Variants in IZUMO4 observed in about 807,000 individuals in gnomAD.
IZUMO4 encodes izumo sperm-egg fusion protein 4.
Under a neutral mutation model 37.1 loss-of-function variants are expected in IZUMO4, and 51 were observed. The ratio of observed to expected loss-of-function variants is 1.38; its 90% confidence interval spans 1.10 to 1.74. The LOEUF (loss-of-function observed/expected upper bound fraction) is 1.74, where lower values mean the gene tolerates loss of function less well. IZUMO4 is among the 40% of genes most tolerant of loss of function. IZUMO4 has a pLI of 0.00. For synonymous variants in IZUMO4, 162 were observed against 121.4 expected (o/e 1.33, Z -2.20); for missense variants, 364 against 299.6 (o/e 1.21, Z -1.59).
intron 7 of IZUMO4, 91 bp downstream of exon 7, chr19:2,098,541 C>T (rs1440784266): frequency 6.2e-6 from 10 of 1,606,912 alleles, no homozygotes; most frequent in South Asian, 1.1e-5. Flanking sequence ...GCTCCCTCAG[C>T]TCCCACGTCC....
At chr19:2,098,637 C>A in intron 7 of IZUMO4, 150 bp from the exon 8 acceptor site, 1 of 1,558,316 alleles carries the variant, frequency 6.4e-7, no homozygotes, top group South Asian at 1.2e-5. Flanking sequence ...AGGTCTCCGA[C>A]CCTCAGCTGG....
At chr19:2,099,054 C>G (rs778184749) in intron 9 of IZUMO4, 25 bp downstream of exon 9, 35 of 1,609,068 alleles carry the variant, frequency 2.2e-5, no homozygotes, top group Middle Eastern at 1.7e-4. Context: ...GAAGGGAGGC[C>G]TCGGGAGAAG....
chr19:2,097,671 C>G lies in IZUMO4; in HGVS notation c.370+176C>G, dbSNP rs776673193. 8 of 719,340 alleles carry G rather than the reference C, an allele frequency of 1.1e-5. No individual in the cohort carries two copies. In the East Asian group the frequency reaches 2.1e-4, roughly 19 times the overall value. The allele number at this position is 719,340 out of a possible 1,614,324, so 44.6% of individuals were successfully genotyped here. A position where few individuals can be genotyped will look rare whatever the true frequency, so the allele number is the denominator to read the frequency against. ...ACCTGAAGGATCAATGCCATCACCC[C>G]GCGGGGACCTCCCCTAAGTAGCCCC... On this transcript the variant is annotated intron_variant, in intron 3 of 9. Coordinates refer to ENST00000395301, the MANE Select transcript of IZUMO4 (RefSeq NM_001039846.2).
Position 2,099,577 on chromosome 19 carries a change from T to G in IZUMO4, c.*232T>G, listed in dbSNP as rs1396141719. ...TGCGGGATGTGATTAAAGTCCCTGA[T>G]GTTTCTCTTTGCAGAAGAGTTCTTG... On this transcript the variant is annotated 3_prime_UTR_variant, in exon 10 of 10. Transcript: ENST00000395301. 6.1e-5 allele frequency: 34 copies of G among 558,900 alleles called. No homozygotes were observed. The Admixed American group carries it at 1.0e-3, about 17-fold the overall frequency. 34.6% of individuals were successfully genotyped at this position (558,900 alleles called of 1,614,324 possible).
intron 2 of IZUMO4, 38 bp from the exon 3 acceptor site, chr19:2,097,386 C>G: frequency 6.2e-7 from 1 of 1,608,608 alleles, no homozygotes; most frequent in Non-Finnish European, 8.5e-7. Flanking sequence ...ACCCCGCCCA[C>G]CGCCTGAGCC....
chr19:2,098,683 C>G, intron 7 of IZUMO4, 104 bp from the exon 8 acceptor site: 1 of 1,568,074 alleles, frequency 6.4e-7, no homozygotes, highest in South Asian at 1.2e-5. Context: ...CCCATAGGGT[C>G]TGGTTCCACC....
intron 7 of IZUMO4, 94 bp from the exon 8 acceptor site, chr19:2,098,693 C>A: frequency 6.4e-7 from 1 of 1,572,798 alleles, no homozygotes; most frequent in Non-Finnish European, 8.6e-7. Flanking sequence ...CTGGTTCCAC[C>A]CCATCCCAGG....
Position 2,098,691 on chromosome 19 carries a change from A to G in IZUMO4, c.537-96A>G, listed in dbSNP as rs181963344. On this transcript the variant is annotated intron_variant, in intron 7 of 9. Transcript: ENST00000395301. ...AAGGGTCCCCATAGGGTCTGGTTCC[A>G]CCCCATCCCAGGTCTGTGGTCAGAG... is the stretch of plus-strand genomic sequence containing the variant. 2.6e-4 allele frequency: 408 copies of G among 1,572,000 alleles called. 4 individuals are homozygous for G. In the East Asian group the frequency reaches 9.1e-3, roughly 35 times the overall value.
intron 8 of IZUMO4, 56 bp downstream of exon 8, chr19:2,098,860 G>GA (rs1467496957): frequency 1.3e-6 from 2 of 1,566,394 alleles, no homozygotes; most frequent in Admixed American, 1.7e-5. Context: ...GAGAGGAGGG[G>GA]GGCTAGGGGG....
At chr19:2,097,543 G>A (rs1407922824) in intron 3 of IZUMO4, 48 bp downstream of exon 3, 1 of 1,512,172 alleles carries the variant, frequency 6.6e-7, no homozygotes, top group African/African-American at 1.4e-5. Context: ...CAGAGCCTCG[G>A]AGACCCACGG....
intron 5 of IZUMO4, 42 bp from the exon 6 acceptor site, chr19:2,098,245 G>C (rs201922037): frequency 6.2e-7 from 1 of 1,613,176 alleles, no homozygotes; most frequent in South Asian, 1.1e-5. Context: ...GGGCGGGGCC[G>C]TGGGTTCAGG....
intron 5 of IZUMO4, 42 bp downstream of exon 5, chr19:2,098,169 T>G: frequency 6.2e-7 from 1 of 1,608,876 alleles, no homozygotes; most frequent in Non-Finnish European, 8.5e-7. Flanking sequence ...AGGGCCCTAC[T>G]GTCCCTGGGG....
chr19:2,097,058 T>TC lies in IZUMO4; in HGVS notation c.114dup (p.Lys39GlnfsTer118). 1 of 1,612,762 alleles carries TC rather than the reference T, an allele frequency of 6.2e-7. No individual in the cohort carries two copies. Among genetic ancestry groups the TC allele is most frequent in the East Asian group, 2.2e-5 (1 of 44,876 alleles). ...TCCTTCTACCGCCACCATGTGAACT[T>TC]CAAGTCCTGGTGGGTGGGCGACATC... On this transcript the variant is annotated frameshift_variant, in exon 1 of 10. Transcript: ENST00000395301. LOFTEE classifies it high-confidence loss of function.
intron 8 of IZUMO4, 37 bp downstream of exon 8, chr19:2,098,841 G>A (rs1293285919): frequency 1.9e-6 from 3 of 1,557,552 alleles, no homozygotes; most frequent in Admixed American, 1.7e-5. Flanking sequence ...GGGGGAGGGG[G>A]TAAAGGGAGA....
rs201362513 is a variant in IZUMO4, at chr19:2,098,153, C to T, written c.473+26C>T. The T allele has an allele frequency of 3.9e-4, 627 of 1,612,188 alleles. 1 individual carries two copies. The highest frequency in any genetic ancestry group is 1.3e-3 in the Middle Eastern group (8 of 6,062). On this transcript the variant is annotated intron_variant, in intron 5 of 9. Transcript: ENST00000395301. ...GTAGGGCTCAGGCATCACACCCACC[C>T]GTGCCAGGGCCCTACTGTCCCTGGG...
Position 2,097,158 on chromosome 19 carries a change from G to C in IZUMO4, c.213G>C (p.Lys71Asn). Residue 71 changes from lysine (K) to asparagine (N), a missense_variant, in exon 1 of 10, where the codon AAG (lysine) becomes AAC (asparagine). Lys to Asn is a moderately conservative substitution (Grantham distance 94, BLOSUM62 0). Coordinates refer to ENST00000395301, the MANE Select transcript of IZUMO4 (RefSeq NM_001039846.2). The part of the protein sequence containing the change: ...MKELHLAIPA[K>N]ITREKLDQVA... ...AGCTGCACCTGGCCATCCCCGCCAA[G>C]ATCAGTGAGTGCCGGAGCCCAGCCC... The C allele has an allele frequency of 6.2e-7, 1 of 1,610,276 alleles. No individual in the cohort carries two copies. The highest frequency in any genetic ancestry group is 8.5e-7 in the Non-Finnish European group (1 of 1,178,230).
In IZUMO4 at chr19:2,097,275, G is replaced by A. The variant is rs373816217; in HGVS notation, c.241G>A (p.Ala81Thr). 1.2e-6 allele frequency: 2 copies of A among 1,612,658 alleles called. No individual in the cohort carries two copies. Among genetic ancestry groups the A allele is most frequent in the Non-Finnish European group, 1.7e-6 (2 of 1,179,800 alleles). ...AGCCCGGGAGAAGCTGGACCAAGTG[G>A]CGACAGCAGTGTACCAGATGATGGA... ...KITREKLDQV[A>T]TAVYQMMDQL... Residue 81 changes from alanine to threonine, a missense_variant, in exon 2 of 10, where the codon GCG becomes ACG. Physicochemically the swap from Ala to Thr is moderately conservative, Grantham distance 58. Coordinates refer to ENST00000395301, the MANE Select transcript of IZUMO4 (RefSeq NM_001039846.2).
intron 7 of IZUMO4, 28 bp from the exon 8 acceptor site, chr19:2,098,759 G>A (rs774878008): frequency 1.1e-5 from 18 of 1,605,216 alleles, no homozygotes; most frequent in South Asian, 1.0e-4. Flanking sequence ...CCCCATGGAG[G>A]GGCTGACTGC....
chr19:2,098,084 A>G lies in IZUMO4; in HGVS notation c.430A>G (p.Asn144Asp), dbSNP rs767288087. Residue 144 changes from asparagine (N) to aspartate (D), a missense_variant, in exon 5 of 10, where the codon AAC becomes GAC. Physicochemically the swap from Asn to Asp is conservative, Grantham distance 23 (BLOSUM62 1). Transcript: ENST00000395301. ...IFQYETISCN[N>D]CTDSHVACFG... The stretch of plus-strand genomic sequence containing the variant: ...CCAGTACGAGACCATCTCCTGCAAC[A>G]ACTGCACAGACTCGCACGTCGCCTG... 11 of 1,613,482 alleles carry G rather than the reference A, an allele frequency of 6.8e-6. No homozygotes were observed. The highest frequency in any genetic ancestry group is 9.3e-6 in the Non-Finnish European group (11 of 1,179,956).
Sources: gnomAD v4.1 joint callset for allele counts on GRCh38, gnomAD v4.1.1 for gene constraint, MANE v1.5 for transcripts, NCBI Gene and HGNC (gene_info 2026-07-23, HGNC 2026-07-21) for gene names.